Variants in PDLIM5 observed in about 807,000 individuals in gnomAD.
The protein encoded by PDLIM5 is PDZ and LIM domain 5.
In PDLIM5, 34 loss-of-function variants were observed where a neutral mutation model predicts 64.2. That is an observed-to-expected ratio of 0.53 (90% CI 0.40 to 0.71). The LOEUF is 0.71. Among genes scored for constraint, PDLIM5 ranks in the 30% least tolerant of loss-of-function variants. The pLI, the probability that PDLIM5 is intolerant of heterozygous loss-of-function variation, is 0.00. For synonymous variants in PDLIM5, 253 were observed against 269.1 expected, an observed-to-expected ratio of 0.94 and a Z score of 0.59; for missense variants, 683 against 733.6, an observed-to-expected ratio of 0.93 and a Z score of 0.80.
At chr4:94,575,528 A>T in intron 4 of PDLIM5, 88 bp from the exon 5 acceptor site, 1 of 938,114 alleles carries the variant, frequency 1.1e-6, no homozygotes, top group Non-Finnish European at 1.6e-6. Flanking sequence ...TTTGTCTTTT[A>T]AAAAATCAGC....
chr4:94,456,398 A>G (rs759000465), intron 2 of PDLIM5: 25 of 672,520 alleles, frequency 3.7e-5, no homozygotes, highest in Non-Finnish European at 5.9e-5. Flanking sequence ...AAGTTTCCCT[A>G]TGTTGGTCAG....
chr4:94,579,189 T>G (rs1392241205), intron 5 of PDLIM5: 1 of 174,154 alleles, frequency 5.7e-6, no homozygotes, highest in African/African-American at 2.4e-5. Context: ...TTCTTCTGTA[T>G]GTACAAATTA....
Position 94,600,229 on chromosome 4 carries a change from G to GT in PDLIM5, c.920+13791dup, listed in dbSNP as rs1335020854. 4.6e-5 allele frequency among the ~76,000 whole-genome samples: 7 copies of GT among 152,330 alleles called. No homozygotes were observed. In the East Asian group the frequency reaches 1.3e-3, roughly 29 times the overall value. On this transcript the variant is annotated intron_variant, in intron 7 of 12. Transcript: ENST00000317968. ...GCACAAAGTGGGAATTCAAGTAATTGTTTTTTGTTATTGAATGAATGAGTG... is the reference window on the plus strand; with the variant it reads ...GCACAAAGTGGGAATTCAAGTAATTGTTTTTTTGTTATTGAATGAATGAGTG...
At chr4:94,656,023 G>T (rs572904606) in intron 10 of PDLIM5, among the ~76,000 whole-genome samples, 1 of 152,022 alleles carries the variant, frequency 6.6e-6, no homozygotes, top group African/African-American at 2.4e-5. Flanking sequence ...AATTTCTATG[G>T]CTAATAAGTC....
chr4:94,609,607 C>G (rs2110371384), intron 7 of PDLIM5, among the ~76,000 whole-genome samples: 1 of 152,226 alleles, frequency 6.6e-6, no homozygotes, highest in South Asian at 2.1e-4. Context: ...TAGCTTTACT[C>G]TCAATATTTT....
intron 2 of PDLIM5, among the ~76,000 whole-genome samples, chr4:94,480,616 A>T (rs953466325): frequency 6.6e-6 from 1 of 152,196 alleles, no homozygotes; most frequent in African/African-American, 2.4e-5. Flanking sequence ...CTGATTGACC[A>T]GGGGTGAAAC....
intron 2 of PDLIM5, among the ~76,000 whole-genome samples, chr4:94,486,081 A>G (rs994701744): frequency 1.3e-5 from 2 of 152,160 alleles, no homozygotes; most frequent in Non-Finnish European, 2.9e-5. Flanking sequence ...AAGTTCTGCC[A>G]CCAGGATATT....
intron 2 of PDLIM5, among the ~76,000 whole-genome samples, chr4:94,475,702 A>G (rs1198199353): frequency 6.6e-6 from 1 of 152,216 alleles, no homozygotes; most frequent in Non-Finnish European, 1.5e-5. Context: ...AACAATATGA[A>G]TATACTTAAC....
chr4:94,579,951 T>C (rs906192618), intron 5 of PDLIM5, among the ~76,000 whole-genome samples: 1 of 152,166 alleles, frequency 6.6e-6, no homozygotes, highest in Admixed American at 6.6e-5. Context: ...AGAACCTTTA[T>C]GATTTTTCTA....
At chr4:94,505,499 T>G (rs1340709808) in intron 2 of PDLIM5, among the ~76,000 whole-genome samples, 1 of 152,126 alleles carries the variant, frequency 6.6e-6, no homozygotes, top group East Asian at 1.9e-4. Context: ...TAGCCTCAAG[T>G]GATCTGCCCA....
rs70946540 is a variant in PDLIM5 at position 94,659,484 on chromosome 4, ATATGTGTG to A, written c.1585+1947_1585+1954del. On this transcript the variant is annotated intron_variant, in intron 11 of 12. Coordinates refer to ENST00000317968, the MANE Select transcript of PDLIM5 (RefSeq NM_006457.5). ...AGCAGGCATAGAGCAGCTGTAGTAT[ATATGTGTG>A]TATGTGTGTGTGTGTGTGTGTGTGT... Among the ~76,000 whole-genome samples the A allele has an allele frequency of 4.6e-4, 62 of 133,796 alleles. 1 individual carries two copies. Among genetic ancestry groups the A allele is most frequent in the African/African-American group, 1.4e-3 (48 of 34,502 alleles). 87.8% of individuals were successfully genotyped at this position (133,796 alleles called of 152,430 possible).
At chr4:94,663,182 T>G (rs111665901) in intron 12 of PDLIM5, among the ~76,000 whole-genome samples, 8 of 152,316 alleles carry the variant, frequency 5.3e-5, no homozygotes, top group African/African-American at 1.9e-4. Context: ...AAAATTAGAT[T>G]TAACATATCT....
At chr4:94,612,284 A>G (rs1014132322) in intron 7 of PDLIM5, among the ~76,000 whole-genome samples, 1 of 152,176 alleles carries the variant, frequency 6.6e-6, no homozygotes, top group East Asian at 1.9e-4. Flanking sequence ...TATTCTGGGT[A>G]ACTTTTAAGG....
intron 7 of PDLIM5, among the ~76,000 whole-genome samples, chr4:94,612,362 A>G (rs1286261956): frequency 6.6e-6 from 1 of 152,218 alleles, no homozygotes; most frequent in African/African-American, 2.4e-5. Flanking sequence ...ACCTGAAATT[A>G]TATTAGAATA....
chr4:94,479,757 G>GT (rs1578224459), intron 2 of PDLIM5, among the ~76,000 whole-genome samples: 1 of 151,828 alleles, frequency 6.6e-6, no homozygotes, highest in Non-Finnish European at 1.5e-5. Flanking sequence ...CATATCTTGT[G>GT]TTTTTTTTAC....
chr4:94,635,304 G>T (rs1427837783), intron 8 of PDLIM5, among the ~76,000 whole-genome samples: 2 of 152,182 alleles, frequency 1.3e-5, no homozygotes. Flanking sequence ...CAAGCCTTGA[G>T]TCAAGAACCA....
chr4:94,651,586 G>T (rs925415484), intron 9 of PDLIM5, among the ~76,000 whole-genome samples: 1 of 152,190 alleles, frequency 6.6e-6, no homozygotes. Context: ...GTCGAGACTG[G>T]ACGATACTAA....
At chr4:94,528,713 T>A (rs974983509) in intron 3 of PDLIM5, among the ~76,000 whole-genome samples, 3 of 152,138 alleles carry the variant, frequency 2.0e-5, no homozygotes, top group Non-Finnish European at 4.4e-5. Context: ...AGTACTGACA[T>A]TTTAGAGGAC....
Position 94,666,551 on chromosome 4 carries a change from G to C in PDLIM5, c.*2484G>C, listed in dbSNP as rs1743089163. 1 of 151,676 alleles carries C rather than the reference G, an allele frequency of 6.6e-6. No homozygotes were observed. The highest frequency in any genetic ancestry group is 2.1e-4 in the South Asian group (1 of 4,800). The allele number at this position is 151,676 out of a possible 1,614,324, so 9.4% of individuals were successfully genotyped here. A position where few individuals can be genotyped will look rare whatever the true frequency, so the allele number is the denominator to read the frequency against. On this transcript the variant is annotated 3_prime_UTR_variant, in exon 13 of 13. Transcript: ENST00000317968. Reference sequence around the variant, plus strand: ...TATGTTATAGAATACAAAATAAGTTGATGGTTTTGTTTGGTGTGAGCTTTT... The same window carrying C: ...TATGTTATAGAATACAAAATAAGTTCATGGTTTTGTTTGGTGTGAGCTTTT...
Sources: allele counts gnomAD v4.1 joint callset (sites outside exome capture counted in the v4.1 genomes callset), GRCh38; gene constraint gnomAD v4.1.1; transcripts MANE v1.5; gene names NCBI Gene and HGNC (gene_info 2026-07-23, HGNC 2026-07-21).